ITGA8: variants seen among roughly 807,000 people sequenced by gnomAD.
ITGA8 encodes the protein integrin alpha-8.
A neutral mutation model predicts 142.3 loss-of-function variants in ITGA8; 91 were observed. The observed-to-expected ratio is 0.64, with a 90% CI of 0.54 to 0.76. The LOEUF (loss-of-function observed/expected upper bound fraction) is 0.76, where lower values mean the gene tolerates loss of function less well. ITGA8 is among the 30% of genes least tolerant of loss of function. The pLI is 0.00. For missense variants in ITGA8, 1,406 were observed against 1,327.7 expected (o/e 1.06, Z -0.92); for synonymous variants, 505 against 485.2 (o/e 1.04, Z -0.54).
At chr10:15,651,032 G>A (rs1834076419) in intron 11 of ITGA8, among the ~76,000 whole-genome samples, 2 of 152,056 alleles carry the variant, frequency 1.3e-5, no homozygotes, top group South Asian at 4.1e-4. Context: ...GGATTTTTCT[G>A]TAAATTATTC....
intron 2 of ITGA8, among the ~76,000 whole-genome samples, chr10:15,695,867 G>C (rs1369323745): frequency 6.6e-6 from 1 of 152,128 alleles, no homozygotes; most frequent in Non-Finnish European, 1.5e-5. Context: ...ATATCCTCCT[G>C]ACAATCACCT....
At chr10:15,702,643 C>T (rs1433643341) in intron 2 of ITGA8, among the ~76,000 whole-genome samples, 2 of 152,110 alleles carry the variant, frequency 1.3e-5, no homozygotes, top group Non-Finnish European at 2.9e-5. Flanking sequence ...GTTGGGCTTC[C>T]TTTCCATTTG....
intron 28 of ITGA8, among the ~76,000 whole-genome samples, chr10:15,526,682 C>G (rs1453425759): frequency 6.6e-6 from 1 of 152,186 alleles, no homozygotes; most frequent in Non-Finnish European, 1.5e-5. Context: ...TATTTTAATA[C>G]AGTTTTATTT....
At chr10:15,652,306 C>T (rs1361219161) in intron 11 of ITGA8, among the ~76,000 whole-genome samples, 2 of 152,308 alleles carry the variant, frequency 1.3e-5, no homozygotes, top group South Asian at 2.1e-4. Flanking sequence ...GGGCAAAGTC[C>T]TGAGGATTCA....
intron 28 of ITGA8, among the ~76,000 whole-genome samples, chr10:15,525,029 G>A (rs1385219860): frequency 6.6e-6 from 1 of 151,894 alleles, no homozygotes; most frequent in Non-Finnish European, 1.5e-5. Context: ...TATTTTTGGA[G>A]ACAGGGTCTT....
chr10:15,613,203 A>AAAT (rs1399251932), intron 15 of ITGA8, among the ~76,000 whole-genome samples: 1 of 18,844 alleles, frequency 5.3e-5, no homozygotes, highest in African/African-American at 9.0e-5. Flanking sequence ...ATAAATAAAT[A>AAAT]AACAGGACAT....
chr10:15,645,109 A>AG (rs1156501972), intron 12 of ITGA8, among the ~76,000 whole-genome samples: 1 of 151,180 alleles, frequency 6.6e-6, no homozygotes, highest in African/African-American at 2.4e-5. Context: ...AAAAAAAAAA[A>AG]AAAAAAAAGA....
intron 13 of ITGA8, among the ~76,000 whole-genome samples, chr10:15,637,829 T>C (rs1309829544): frequency 6.6e-6 from 1 of 151,900 alleles, no homozygotes; most frequent in East Asian, 1.9e-4. Flanking sequence ...TAAATTGGCT[T>C]GATGTTTTCC....
intron 23 of ITGA8, among the ~76,000 whole-genome samples, chr10:15,580,126 T>TA (rs35286236): frequency 1.1e-3 from 116 of 108,864 alleles, no homozygotes; most frequent in African/African-American, 3.6e-3. Flanking sequence ...TCAGAAAATG[T>TA]AAAAAAAAAA....
At chr10:15,671,211 G>A (rs1490257972) in intron 8 of ITGA8, among the ~76,000 whole-genome samples, 2 of 152,126 alleles carry the variant, frequency 1.3e-5, no homozygotes, top group Non-Finnish European at 2.9e-5. Context: ...TAAGGTTGGG[G>A]TGTTGGATTG....
intron 11 of ITGA8, among the ~76,000 whole-genome samples, chr10:15,651,671 T>A (rs552809584): frequency 6.6e-6 from 1 of 152,074 alleles, no homozygotes; most frequent in Non-Finnish European, 1.5e-5. Flanking sequence ...TATCTCCAGC[T>A]TGGGGAAAGG....
intron 23 of ITGA8, among the ~76,000 whole-genome samples, chr10:15,576,118 A>C (rs1834291454): frequency 6.6e-6 from 1 of 152,186 alleles, no homozygotes; most frequent in Admixed American, 6.6e-5. Context: ...TGAAGGCATC[A>C]GAGTGGAAGA....
intron 29 of ITGA8, among the ~76,000 whole-genome samples, chr10:15,518,353 T>C (rs2131529216): frequency 6.6e-6 from 1 of 152,314 alleles, no homozygotes; most frequent in East Asian, 1.9e-4. Context: ...TCATTGGAAA[T>C]ACAGTTACTA....
intron 25 of ITGA8, among the ~76,000 whole-genome samples, chr10:15,565,996 T>C (rs2131576644): frequency 6.6e-6 from 1 of 152,192 alleles, no homozygotes; most frequent in African/African-American, 2.4e-5. Context: ...AGCGCCTGCA[T>C]TCTGAATTAA....
At chr10:15,577,239 C>A (rs1013970408) in intron 23 of ITGA8, among the ~76,000 whole-genome samples, 3 of 152,126 alleles carry the variant, frequency 2.0e-5, no homozygotes, top group Admixed American at 6.5e-5. Flanking sequence ...GGTCATCAGT[C>A]CACAGGACTG....
intron 11 of ITGA8, among the ~76,000 whole-genome samples, chr10:15,654,082 C>A (rs767576552): frequency 3.9e-5 from 6 of 152,258 alleles, no homozygotes; most frequent in Admixed American, 1.3e-4. Flanking sequence ...GTGATCCACC[C>A]GCCTCAGCCT....
chr10:15,586,439 C>T (rs543572545), intron 23 of ITGA8, 145 bp downstream of exon 23: 20 of 548,648 alleles, frequency 3.6e-5, no homozygotes, highest in Middle Eastern at 2.9e-4. Flanking sequence ...AGGCTAATAA[C>T]GATCAGTAGA....
intron 16 of ITGA8, 76 bp downstream of exon 16, chr10:15,608,159 T>A: frequency 3.0e-6 from 3 of 1,013,418 alleles, no homozygotes; most frequent in Non-Finnish European, 4.5e-6. Context: ...CATTTTTTTA[T>A]GGTCTGTGCA....
chr10:15,697,837 C>T (rs766540248), intron 2 of ITGA8, among the ~76,000 whole-genome samples: 5 of 152,050 alleles, frequency 3.3e-5, no homozygotes, highest in East Asian at 3.8e-4. Flanking sequence ...TGTAGTTTGC[C>T]GACAGTTGAT....
Sources: allele counts gnomAD v4.1 joint callset (sites outside exome capture counted in the v4.1 genomes callset), GRCh38; gene constraint gnomAD v4.1.1; transcripts MANE v1.5; gene names NCBI Gene and HGNC (gene_info 2026-07-23, HGNC 2026-07-21).